The following GLB1 variants were observed in gnomAD, a reference collection of about 807,000 sequenced individuals.
GLB1 encodes galactosidase beta 1, also known as beta-galactosidase.
GLB1 carries 56 observed loss-of-function variants against 74.0 expected under a neutral mutation model. The ratio of observed to expected loss-of-function variants is 0.76; its 90% CI spans 0.61 to 0.94. GLB1 has a LOEUF of 0.94. GLB1 is among the 40% of genes least tolerant of loss of function. The probability of loss-of-function intolerance (pLI) is 0.00; values close to 1 mark genes in which losing one functional copy is unlikely to be tolerated. For missense variants in GLB1, 787 were observed against 845.5 expected (o/e 0.93, Z 0.86); for synonymous variants, 323 against 323.6 (o/e 1.00, Z 0.02).
chr3:33,070,963 T>C (rs1699866806), intron 2 of GLB1, among the ~76,000 whole-genome samples: 1 of 152,192 alleles, frequency 6.6e-6, no homozygotes, highest in Non-Finnish European at 1.5e-5. Flanking sequence ...GAAGAAATAA[T>C]TTTTAGTACG....
In GLB1 at chr3:33,016,671, C is replaced by T. The variant is rs1184582050; in HGVS notation, c.1479+38G>A. 8 of 1,611,678 alleles carry T rather than the reference C, an allele frequency of 5.0e-6. No homozygotes were observed. The South Asian group carries it at 6.6e-5, about 13-fold the overall frequency. On this transcript the variant is annotated intron_variant, in intron 14 of 15. Transcript: ENST00000307363. ...TGGGCTTCAACTTCTAAGTTGTCAC[C>T]CCTTAAACCTTAGTCTTGACAGTGT...
chr3:32,993,584 G>C (rs980266935), downstream of GLB1, among the ~76,000 whole-genome samples: 11 of 140,074 alleles, frequency 7.9e-5, no homozygotes, highest in African/African-American at 2.9e-4. Context: ...ACCCGGGCTG[G>C]AGTACAGTGG....
chr3:33,021,448 A>C, intron 12 of GLB1, 118 bp downstream of exon 12: 1 of 1,044,898 alleles, frequency 9.6e-7, no homozygotes, highest in Non-Finnish European at 1.4e-6. Context: ...TTTACCTGGG[A>C]TCTGATGCAT....
Position 33,075,961 on chromosome 3 carries a change from C to T in GLB1, c.76-3248G>A, listed in dbSNP as rs1009158596. ...ACAGGAGGCTGAGGCAGGAGAATGG[C>T]GTGAACCTGGGAGGCGGAGCTTGCA... On this transcript the variant is annotated intron_variant, in intron 1 of 15. Transcript: ENST00000307363. Among the ~76,000 whole-genome samples, 11 of 150,824 alleles carry T rather than the reference C, an allele frequency of 7.3e-5. No individual in the cohort carries two copies. The East Asian group carries it at 1.2e-3, about 16-fold the overall frequency.
At chr3:32,962,985 G>A in the GLB1 span, among the ~76,000 whole-genome samples, 4 of 151,914 alleles carry the variant, frequency 2.6e-5, no homozygotes, top group African/African-American at 9.7e-5. Context: ...AAAATAGCCA[G>A]GACCACTCTG....
intron 1 of GLB1, 28 bp downstream of exon 1, chr3:33,096,983 T>C (rs1216562897): frequency 1.4e-5 from 23 of 1,608,968 alleles, no homozygotes; most frequent in Non-Finnish European, 2.0e-5. Context: ...TAGCAATGCC[T>C]CCCCGTACCC....
At chr3:32,993,844 T>C (rs1203493411), downstream of GLB1, among the ~76,000 whole-genome samples, 1 of 151,998 alleles carries the variant, frequency 6.6e-6, no homozygotes, top group Admixed American at 6.6e-5. Flanking sequence ...AATTTTTGTA[T>C]TTTTAGTAGA....
chr3:32,997,458 G>A (rs1388464623), intron 15 of GLB1, 114 bp from the exon 16 acceptor site: 3 of 1,513,490 alleles, frequency 2.0e-6, no homozygotes, highest in Non-Finnish European at 2.7e-6. Context: ...AATGCCCCCA[G>A]AAAGGCGAGG....
At chr3:33,056,418 CTTTTT>C (rs778914405) in intron 6 of GLB1, among the ~76,000 whole-genome samples, 3 of 143,868 alleles carry the variant, frequency 2.1e-5, no homozygotes, top group Non-Finnish European at 4.6e-5. Flanking sequence ...GTGTGTGTAT[CTTTTT>C]TTTTTTTTGA....
At chr3:33,084,875 C>T (rs1700447549) in intron 1 of GLB1, among the ~76,000 whole-genome samples, 1 of 152,164 alleles carries the variant, frequency 6.6e-6, no homozygotes, top group South Asian at 2.1e-4. Flanking sequence ...CAGTAGACTT[C>T]ATCTTAATAA....
the GLB1 span, among the ~76,000 whole-genome samples, chr3:32,989,783 A>C: frequency 6.6e-6 from 1 of 152,196 alleles, no homozygotes; most frequent in Non-Finnish European, 1.5e-5. Context: ...CTTGGGTGTG[A>C]GTTTCAGGCC....
rs57682151 is a variant in GLB1, at chr3:33,092,587, A to C, written c.75+4424T>G. On this transcript the variant is annotated intron_variant, in intron 1 of 15. Coordinates refer to ENST00000307363, the MANE Select transcript of GLB1 (RefSeq NM_000404.4). ...CATCTGGAAAATAGAGGGGAGTGCTAATATATGTGACCTTAGTGATCTCAC... is the reference window on the plus strand; with the variant it reads ...CATCTGGAAAATAGAGGGGAGTGCTCATATATGTGACCTTAGTGATCTCAC... 10,533 of 1,287,862 alleles carry C rather than the reference A, an allele frequency of 8.2e-3. 369 individuals are homozygous for C. The African/African-American group carries it at 0.091, about 11-fold the overall frequency. 79.8% of individuals were successfully genotyped at this position (1,287,862 alleles called of 1,614,324 possible). A position where few individuals can be genotyped will look rare whatever the true frequency, so the allele number is the denominator to read the frequency against.
In GLB1 at chr3:32,997,093, C is replaced by T. The variant is rs1559374745; in HGVS notation, c.1986G>A (p.Met662Ile). 4 of 1,614,038 alleles carry T rather than the reference C, an allele frequency of 2.5e-6. No homozygotes were observed. Among genetic ancestry groups the T allele is most frequent in the Non-Finnish European group, 3.4e-6 (4 of 1,179,994 alleles). Residue 662 changes from methionine to isoleucine, a missense_variant, in exon 16 of 16, where the codon ATG becomes ATA. Coordinates refer to ENST00000307363, the MANE Select transcript of GLB1 (RefSeq NM_000404.4). ...CTTTGTTTTTTTGCGGGGGTGGGGG[C>T]ATGAGTCTTTTTTCAACAGGTTTGG... ...HPSKPVEKRL[M>I]PPPPQKNKDS...
intron 10 of GLB1, among the ~76,000 whole-genome samples, chr3:33,043,096 G>A (rs1698570765): frequency 1.3e-5 from 2 of 152,224 alleles, no homozygotes; most frequent in African/African-American, 4.8e-5. Context: ...CAAGAGGGCT[G>A]TAATTGGAGT....
chr3:33,084,218 A>T (rs922941913), intron 1 of GLB1, among the ~76,000 whole-genome samples: 6 of 152,182 alleles, frequency 3.9e-5, no homozygotes, highest in Non-Finnish European at 8.8e-5. Flanking sequence ...AGGCTGAGGG[A>T]ACATGGATAG....
chr3:33,035,251 G>C (rs1698221517), intron 10 of GLB1, among the ~76,000 whole-genome samples: 1 of 152,040 alleles, frequency 6.6e-6, no homozygotes, highest in Middle Eastern at 3.2e-3. Context: ...GGGCAACATA[G>C]GGAGACTCCA....
At chr3:33,069,603 G>T (rs1699819034) in intron 2 of GLB1, among the ~76,000 whole-genome samples, 1 of 152,168 alleles carries the variant, frequency 6.6e-6, no homozygotes, top group Non-Finnish European at 1.5e-5. Context: ...TATTGCCTGA[G>T]AGAGAAACAA....
At chr3:33,018,585 A>G in intron 12 of GLB1, 24 bp from the exon 13 acceptor site, 2 of 1,612,178 alleles carry the variant, frequency 1.2e-6, no homozygotes, top group Non-Finnish European at 1.7e-6. Context: ...GATTTAAGAA[A>G]AATACATCAC....
intron 13 of GLB1, among the ~76,000 whole-genome samples, chr3:33,018,091 C>T (rs1697308703): frequency 6.6e-6 from 1 of 151,836 alleles, no homozygotes; most frequent in African/African-American, 2.4e-5. Flanking sequence ...CAAGACCAGC[C>T]TGGGCAACAT....
Sources: gnomAD v4.1 joint callset for allele counts (sites outside exome capture counted in the v4.1 genomes callset) on GRCh38, gnomAD v4.1.1 for gene constraint, MANE v1.5 for transcripts, NCBI Gene and HGNC (gene_info 2026-07-23, HGNC 2026-07-21) for gene names.